Variants in NRXN3 observed in about 807,000 individuals in gnomAD.
NRXN3 encodes neurexin III.
NRXN3 carries 32 observed loss-of-function variants against 137.6 expected under a neutral mutation model. That is an observed-to-expected ratio of 0.23 (90% CI 0.18 to 0.31). NRXN3 has a LOEUF of 0.31. Ranked by LOEUF, NRXN3 falls within the 10% of genes least tolerant of loss-of-function variation. The pLI is 1.00. For missense variants in NRXN3, 1,574 were observed against 2,062.5 expected, an observed-to-expected ratio of 0.76 and a Z score of 4.59; for synonymous variants, 798 against 784.5, an observed-to-expected ratio of 1.02 and a Z score of -0.29.
chr14:78,862,742 A>G (rs761242309), intron 10 of NRXN3, among the ~76,000 whole-genome samples: 1 of 152,220 alleles, frequency 6.6e-6, no homozygotes, highest in Non-Finnish European at 1.5e-5. Flanking sequence ...TGTACAAAAA[A>G]GTAGATAACA....
intron 15 of NRXN3, among the ~76,000 whole-genome samples, chr14:78,994,345 C>T (rs957893208): frequency 2.6e-5 from 4 of 152,048 alleles, no homozygotes; most frequent in Admixed American, 6.5e-5. Context: ...CATTTTTGCC[C>T]TGCTTTGTTT....
chr14:78,540,862 C>T (rs987249226), intron 4 of NRXN3, among the ~76,000 whole-genome samples: 1 of 152,118 alleles, frequency 6.6e-6, no homozygotes, highest in African/African-American at 2.4e-5. Flanking sequence ...GATTTTATTT[C>T]TCCTTCACTT....
chr14:78,942,075 T>A lies in NRXN3; in HGVS notation c.2276-15167T>A, dbSNP rs114430304. Among the ~76,000 whole-genome samples, 776 of 152,274 alleles carry A rather than the reference T, an allele frequency of 5.1e-3. 6 individuals carry two copies. Among genetic ancestry groups the A allele is most frequent in the African/African-American group, 0.018 (756 of 41,554 alleles). ...GATGATAGGTCGTCTTAATGGAAAGTGTGATGGGGAGCCAATGTGGCACAG... is the reference window on the plus strand; with the variant it reads ...GATGATAGGTCGTCTTAATGGAAAGAGTGATGGGGAGCCAATGTGGCACAG... On this transcript the variant is annotated intron_variant, in intron 10 of 20. Coordinates refer to ENST00000335750, the MANE Select transcript of NRXN3 (RefSeq NM_001330195.2).
intron 4 of NRXN3, among the ~76,000 whole-genome samples, chr14:78,636,190 T>A (rs554902906): frequency 6.6e-6 from 1 of 152,312 alleles, no homozygotes; most frequent in South Asian, 2.1e-4. Context: ...GTTCTATTGC[T>A]GGTAGAGTTA....
chr14:78,936,208 C>T (rs906235948), intron 10 of NRXN3, among the ~76,000 whole-genome samples: 2 of 152,190 alleles, frequency 1.3e-5, no homozygotes, highest in African/African-American at 4.8e-5. Flanking sequence ...TGTGGTTCAT[C>T]TTCTGGCTAT....
rs80345279 is a variant in NRXN3 at position 79,373,321 on chromosome 14, A to G, written c.3263-93900A>G. Among the ~76,000 whole-genome samples, 389 of 152,034 alleles carry G rather than the reference A, an allele frequency of 2.6e-3. 6 individuals carry two copies. In the East Asian group the frequency reaches 0.039, roughly 15 times the overall value. ...TCAATTCCAATTATGTTCTGGGGGG[A>G]AAAAAAAGGAAACTGAATAAAAAGC... On this transcript the variant is annotated intron_variant, in intron 15 of 20. Transcript: ENST00000335750.
chr14:79,149,133 A>G (rs1330167266), intron 15 of NRXN3, among the ~76,000 whole-genome samples: 2 of 152,154 alleles, frequency 1.3e-5, no homozygotes, highest in Non-Finnish European at 2.9e-5. Flanking sequence ...ATTCTCATAA[A>G]AATCTTGGGA....
At chr14:79,405,798 C>A (rs143616001) in intron 15 of NRXN3, among the ~76,000 whole-genome samples, 69 of 152,206 alleles carry the variant, frequency 4.5e-4, no homozygotes, top group African/African-American at 1.2e-3. Flanking sequence ...TATGAGGGAA[C>A]CTTTGTCTTC....
At chr14:79,179,624 G>T (rs1169721972) in intron 15 of NRXN3, among the ~76,000 whole-genome samples, 2 of 152,136 alleles carry the variant, frequency 1.3e-5, no homozygotes, top group Non-Finnish European at 2.9e-5. Flanking sequence ...TAAGAATTTG[G>T]AAAGTCTTAC....
At chr14:78,365,599 A>G (rs2085806742) in intron 4 of NRXN3, among the ~76,000 whole-genome samples, 1 of 152,242 alleles carries the variant, frequency 6.6e-6, no homozygotes, top group Admixed American at 6.5e-5. Context: ...TTGACCGGCT[A>G]TGAGTCCAGT....
chr14:78,890,877 G>C (rs989928026), intron 10 of NRXN3, among the ~76,000 whole-genome samples: 5 of 151,870 alleles, frequency 3.3e-5, no homozygotes, highest in Admixed American at 1.3e-4. Context: ...AGTGGTGTTA[G>C]CAATCATTCA....
At chr14:79,208,187 C>A (rs1393798610) in intron 15 of NRXN3, among the ~76,000 whole-genome samples, 1 of 152,136 alleles carries the variant, frequency 6.6e-6, no homozygotes, top group African/African-American at 2.4e-5. Flanking sequence ...CAATTCAAAA[C>A]AATTTAAACT....
At chr14:78,655,536 C>T (rs992629935) in intron 6 of NRXN3, among the ~76,000 whole-genome samples, 6 of 151,856 alleles carry the variant, frequency 4.0e-5, no homozygotes, top group Admixed American at 1.3e-4. Context: ...TTGTTTTTTG[C>T]CTTTGGTCAT....
At chr14:78,978,533 A>C (rs888139677) in intron 14 of NRXN3, among the ~76,000 whole-genome samples, 1 of 151,848 alleles carries the variant, frequency 6.6e-6, no homozygotes, top group Non-Finnish European at 1.5e-5. Context: ...AGCCAAGGGG[A>C]CTCAACACTG....
At chr14:79,696,394 C>T (rs532328567) in intron 18 of NRXN3, among the ~76,000 whole-genome samples, 5 of 151,908 alleles carry the variant, frequency 3.3e-5, no homozygotes, top group Non-Finnish European at 5.9e-5. Flanking sequence ...ATGAGTGGAG[C>T]GTTGTTTGAT....
intron 15 of NRXN3, among the ~76,000 whole-genome samples, chr14:79,340,919 T>C (rs1232802469): frequency 6.6e-6 from 1 of 152,228 alleles, no homozygotes; most frequent in Non-Finnish European, 1.5e-5. Context: ...TAGTATTTTA[T>C]ATTCTCAAAG....
At chr14:79,186,109 A>G (rs1190042131) in intron 15 of NRXN3, among the ~76,000 whole-genome samples, 2 of 152,208 alleles carry the variant, frequency 1.3e-5, no homozygotes, top group Non-Finnish European at 2.9e-5. Flanking sequence ...TGATACATGC[A>G]AAATAGTTAG....
At chr14:78,281,193 G>A (rs1359540116) in intron 3 of NRXN3, among the ~76,000 whole-genome samples, 2 of 152,144 alleles carry the variant, frequency 1.3e-5, no homozygotes, top group East Asian at 3.9e-4. Flanking sequence ...AGCGTGCCCG[G>A]CCCTGGCTGA....
chr14:79,392,308 T>C (rs943518959), intron 15 of NRXN3, among the ~76,000 whole-genome samples: 11 of 152,220 alleles, frequency 7.2e-5, no homozygotes, highest in African/African-American at 2.4e-4. Flanking sequence ...TCCATGTCCC[T>C]GCGAAGTACA....
Sources: allele counts gnomAD v4.1 joint callset (sites outside exome capture counted in the v4.1 genomes callset), GRCh38; gene constraint gnomAD v4.1.1; transcripts MANE v1.5; gene names NCBI Gene and HGNC (gene_info 2026-07-23, HGNC 2026-07-21).